Variants in ADAMTS20 observed in about 807,000 individuals in gnomAD.
The protein encoded by ADAMTS20 is A disintegrin and metalloproteinase with thrombospondin motifs 20.
Under a neutral mutation model 260.1 loss-of-function variants are expected in ADAMTS20, and 225 were observed. That is an observed-to-expected ratio of 0.87 (90% confidence interval 0.78 to 0.97). The LOEUF is 0.97. ADAMTS20 is among the 50% of genes least tolerant of loss of function. The probability of loss-of-function intolerance (pLI) is 0.00; values close to 1 mark genes in which losing one functional copy is unlikely to be tolerated. For synonymous variants in ADAMTS20, 802 were observed against 769.5 expected, an observed-to-expected ratio of 1.04 and a Z score of -0.70; for missense variants, 2,400 against 2,337.7, an observed-to-expected ratio of 1.03 and a Z score of -0.55.
intron 31 of ADAMTS20, among the ~76,000 whole-genome samples, chr12:43,378,355 C>T (rs1940275386): frequency 6.6e-6 from 1 of 152,164 alleles, no homozygotes; most frequent in Admixed American, 6.5e-5. Context: ...CAAAGTAAGG[C>T]AATTAACCAA....
chr12:43,372,084 T>C (rs1001141435), intron 36 of ADAMTS20, among the ~76,000 whole-genome samples: 2 of 152,294 alleles, frequency 1.3e-5, no homozygotes, highest in South Asian at 4.1e-4. Context: ...ATATGCTGAG[T>C]AGACAGTTGG....
intron 16 of ADAMTS20, 43 bp downstream of exon 16, chr12:43,443,748 C>T: frequency 6.8e-7 from 1 of 1,465,606 alleles, no homozygotes; most frequent in Non-Finnish European, 9.5e-7. Flanking sequence ...CATGAAATTG[C>T]ACATAAGCCA....
chr12:43,399,318 C>A, intron 28 of ADAMTS20, 85 bp from the exon 29 acceptor site: 1 of 1,122,002 alleles, frequency 8.9e-7, no homozygotes, highest in East Asian at 3.0e-5. Context: ...ATGTAACAAT[C>A]CACACATAAT....
chr12:43,526,210 C>T (rs921926219), intron 3 of ADAMTS20, among the ~76,000 whole-genome samples: 2 of 152,148 alleles, frequency 1.3e-5, no homozygotes, highest in African/African-American at 4.8e-5. Flanking sequence ...TAATCCAGCA[C>T]TACGGGAGGC....
At chr12:43,438,209 T>C (rs1008153393) in intron 18 of ADAMTS20, among the ~76,000 whole-genome samples, 1 of 152,168 alleles carries the variant, frequency 6.6e-6, no homozygotes, top group Non-Finnish European at 1.5e-5. Flanking sequence ...CAAACTTCCA[T>C]TTTGAATCTT....
At position 43,542,959 on chromosome 12, in the gene ADAMTS20, C is replaced by G. The variant is rs530186581; in HGVS notation, c.453+7950G>C. 5.3e-5 allele frequency among the ~76,000 whole-genome samples: 8 copies of G among 152,202 alleles called. No individual in the cohort carries two copies. In the South Asian group the frequency reaches 1.7e-3, roughly 32 times the overall value. On this transcript the variant is annotated intron_variant, in intron 2 of 38. Coordinates refer to ENST00000389420, the MANE Select transcript of ADAMTS20 (RefSeq NM_025003.5). ...ATGGAGGAAGATGGACAAGAAAGTTCCAGAAGGTAGAACCAAGGATCTGGG... is the reference window on the plus strand; with the variant it reads ...ATGGAGGAAGATGGACAAGAAAGTTGCAGAAGGTAGAACCAAGGATCTGGG...
At chr12:43,366,920 A>G (rs1323227087) in intron 37 of ADAMTS20, among the ~76,000 whole-genome samples, 1 of 151,968 alleles carries the variant, frequency 6.6e-6, no homozygotes, top group Non-Finnish European at 1.5e-5. Flanking sequence ...GTAAGGGAAT[A>G]CTATGAACAA....
chr12:43,508,711 A>G (rs1942880389), intron 3 of ADAMTS20, among the ~76,000 whole-genome samples: 1 of 152,170 alleles, frequency 6.6e-6, no homozygotes, highest in Non-Finnish European at 1.5e-5. Flanking sequence ...CATCAGGGTA[A>G]ATGGGGTATA....
At chr12:43,410,132 G>C (rs1289496928) in intron 28 of ADAMTS20, among the ~76,000 whole-genome samples, 1 of 152,032 alleles carries the variant, frequency 6.6e-6, no homozygotes, top group Non-Finnish European at 1.5e-5. Context: ...GAAGGTACAG[G>C]CAGGAAGAAG....
chr12:43,548,933 T>C (rs2137534162), intron 2 of ADAMTS20, among the ~76,000 whole-genome samples: 1 of 152,134 alleles, frequency 6.6e-6, no homozygotes, highest in Admixed American at 6.5e-5. Flanking sequence ...AGTACATAAA[T>C]GGGATTATTT....
chr12:43,417,069 A>T (rs761410594), intron 28 of ADAMTS20, among the ~76,000 whole-genome samples: 5 of 152,086 alleles, frequency 3.3e-5, no homozygotes, highest in African/African-American at 7.2e-5. Flanking sequence ...CTTTGAGGAG[A>T]GTATGCCATT....
At chr12:43,443,004 T>C (rs1244248817) in intron 16 of ADAMTS20, among the ~76,000 whole-genome samples, 1 of 152,206 alleles carries the variant, frequency 6.6e-6, no homozygotes, top group Non-Finnish European at 1.5e-5. Context: ...AGATAGGCTG[T>C]TCATTATAGA....
chr12:43,430,222 C>G (rs1318497025), intron 23 of ADAMTS20, 130 bp downstream of exon 23: 12 of 1,080,684 alleles, frequency 1.1e-5, no homozygotes, highest in Non-Finnish European at 1.5e-5. Flanking sequence ...TTTTGCCTCT[C>G]TCTCACACAT....
chr12:43,379,951 T>C (rs1210681632), intron 31 of ADAMTS20, among the ~76,000 whole-genome samples: 1 of 151,200 alleles, frequency 6.6e-6, no homozygotes, highest in Non-Finnish European at 1.5e-5. Context: ...ACTCATCCTA[T>C]GAAGCCAGTT....
Position 43,376,592 on chromosome 12 carries a change from C to A in ADAMTS20, c.5057G>T (p.Gly1686Val). ...KRQVKCITKH[G>V]LSSDLCLNHL... ...GTTTAAACATAAGTCACTGGACAAACCATGTTTGGTAATGCATTTCACTTG... is the reference window on the plus strand; with the variant it reads ...GTTTAAACATAAGTCACTGGACAAAACATGTTTGGTAATGCATTTCACTTG... Residue 1686 changes from glycine to valine, a missense_variant, in exon 33 of 39, where the codon GGT becomes GTT. Coordinates refer to ENST00000389420, the MANE Select transcript of ADAMTS20 (RefSeq NM_025003.5). The A allele has an allele frequency of 6.2e-7, 1 of 1,613,660 alleles. No homozygotes were observed. Among genetic ancestry groups the A allele is most frequent in the African/African-American group, 1.3e-5 (1 of 75,040 alleles).
chr12:43,458,396 G>A (rs547669754), intron 11 of ADAMTS20, among the ~76,000 whole-genome samples: 1 of 152,244 alleles, frequency 6.6e-6, no homozygotes, highest in African/African-American at 2.4e-5. Context: ...AATGCCCTAC[G>A]AAATCTTCCT....
intron 37 of ADAMTS20, among the ~76,000 whole-genome samples, chr12:43,358,803 C>T (rs945890170): frequency 5.6e-4 from 79 of 141,956 alleles, no homozygotes; most frequent in African/African-American, 2.0e-3. Context: ...CGCCACTGCA[C>T]TCCAGCCTGG....
intron 14 of ADAMTS20, 164 bp from the exon 15 acceptor site, chr12:43,446,876 A>G (rs1303867878): frequency 1.7e-6 from 1 of 586,314 alleles, no homozygotes; most frequent in East Asian, 2.9e-5. Context: ...TATGCACATG[A>G]ACTAGAAAAC....
downstream of ADAMTS20, among the ~76,000 whole-genome samples, chr12:43,353,349 C>T (rs1180411529): frequency 6.6e-6 from 1 of 151,766 alleles, no homozygotes; most frequent in Non-Finnish European, 1.5e-5. Context: ...AAAGAATTCT[C>T]ACATATTTAA....
Sources: gnomAD v4.1 joint callset for allele counts (sites outside exome capture counted in the v4.1 genomes callset) on GRCh38, gnomAD v4.1.1 for gene constraint, MANE v1.5 for transcripts, NCBI Gene and HGNC (gene_info 2026-07-23, HGNC 2026-07-21) for gene names.